Variants in MSC observed in about 807,000 individuals in gnomAD.
MSC encodes musculin.
MSC carries 16 observed loss-of-function variants against 14.4 expected under a neutral mutation model. The ratio of observed to expected loss-of-function variants is 1.11; its 90% CI spans 0.75 to 1.69. The LOEUF (loss-of-function observed/expected upper bound fraction) is 1.69, where lower values mean the gene tolerates loss of function less well. MSC is among the 40% of genes most tolerant of loss of function. The probability of loss-of-function intolerance (pLI) is 0.00; values close to 1 mark genes in which losing one functional copy is unlikely to be tolerated. For synonymous variants in MSC, 165 were observed against 128.5 expected, an observed-to-expected ratio of 1.28 and a Z score of -1.92; for missense variants, 320 against 288.1, an observed-to-expected ratio of 1.11 and a Z score of -0.80.
chr8:71,842,549 C>G lies in MSC; in HGVS notation c.*112G>C. ...ACAGTTCCAGGGAAAGGGGAAGGGTCAAGGAGAATCCAGCGGAAACTTCTT... is the reference window on the plus strand; with the variant it reads ...ACAGTTCCAGGGAAAGGGGAAGGGTGAAGGAGAATCCAGCGGAAACTTCTT... On this transcript the variant is annotated 3_prime_UTR_variant, in exon 2 of 2. Coordinates refer to ENST00000325509, the MANE Select transcript of MSC (RefSeq NM_005098.4). 2 of 1,037,572 alleles carry G rather than the reference C, an allele frequency of 1.9e-6. No homozygotes were observed. Among genetic ancestry groups the G allele is most frequent in the Non-Finnish European group, 3.0e-6 (2 of 660,890 alleles). The allele number at this position is 1,037,572 out of a possible 1,614,324, so 64.3% of individuals were successfully genotyped here. A position where few individuals can be genotyped will look rare whatever the true frequency, so the allele number is the denominator to read the frequency against.
Position 71,844,165 on chromosome 8 carries a change from G to A in MSC, c.14C>T (p.Ser5Leu), listed in dbSNP as rs1807460712. 1 of 1,555,682 alleles carries A rather than the reference G, an allele frequency of 6.4e-7. No homozygotes were observed. The highest frequency in any genetic ancestry group is 8.7e-7 in the Non-Finnish European group (1 of 1,150,090). ...CTCCATCTCCTCCGGATCACTCACC[G>A]AGCCCGTGGACATCCCGTTGTCCCC... MSTGSVSDPEEMELR... is the reference protein window; with the variant it reads MSTGLVSDPEEMELR... The change falls in exon 1 of 2, where the codon TCG (serine) becomes TTG (leucine). Residue 5 changes from serine to leucine, a missense_variant. Transcript: ENST00000325509.
In MSC at chr8:71,842,588, C is replaced by G; in HGVS notation, c.*73G>C. 4.3e-6 allele frequency: 6 copies of G among 1,385,562 alleles called. No homozygotes were observed. Among genetic ancestry groups the G allele is most frequent in the Non-Finnish European group, 6.2e-6 (6 of 972,440 alleles). The allele number at this position is 1,385,562 out of a possible 1,614,324, so 85.8% of individuals were successfully genotyped here. ...CGGAAACTTCTTCCCATCTCACGAGCTCTCCCTTCTCTCCGTGGCCCCCAA... is the reference window on the plus strand; with the variant it reads ...CGGAAACTTCTTCCCATCTCACGAGGTCTCCCTTCTCTCCGTGGCCCCCAA... On this transcript the variant is annotated 3_prime_UTR_variant, in exon 2 of 2. Coordinates refer to ENST00000325509, the MANE Select transcript of MSC (RefSeq NM_005098.4).
In MSC at chr8:71,844,076, C is replaced by T. The variant is rs1425819621; in HGVS notation, c.103G>A (p.Glu35Lys). 3.3e-6 allele frequency: 5 copies of T among 1,521,542 alleles called. No individual in the cohort carries two copies. The highest frequency in any genetic ancestry group is 4.4e-6 in the Non-Finnish European group (5 of 1,136,834). The allele number at this position is 1,521,542 out of a possible 1,614,324, so 94.3% of individuals were successfully genotyped here. The part of the protein sequence containing the change: ...ASKRPPLRGV[E>K]RSYASPSDNS... ...TCACTGGGCGAGGCGTAGCTGCGCTCTACGCCGCGGAGGGGCGGCCTCTTG... is the reference window on the plus strand; with the variant it reads ...TCACTGGGCGAGGCGTAGCTGCGCTTTACGCCGCGGAGGGGCGGCCTCTTG... The change falls in exon 1 of 2, where the codon GAG (glutamate) becomes AAG (lysine). Residue 35 changes from glutamate (E) to lysine (K), a missense_variant. Coordinates refer to ENST00000325509, the MANE Select transcript of MSC (RefSeq NM_005098.4).
chr8:71,843,891 C>A lies in MSC; in HGVS notation c.288G>T (p.Pro96=). The change falls in exon 1 of 2, where the codon CCG becomes CCT. Residue 96 remains proline (P), a synonymous_variant. Transcript: ENST00000325509. Reference sequence around the variant, plus strand: ...TGCACTCTGCGGCTGAGCCCTTGGCCGGGAGGGGCTTCTTGCCACCACCGC... The same window carrying A: ...TGCACTCTGCGGCTGAGCCCTTGGCAGGGAGGGGCTTCTTGCCACCACCGC... The part of the protein sequence containing the change: ...SAGGGGKKPL[P]AKGSAAECKQ... The A allele has an allele frequency of 6.2e-7, 1 of 1,602,392 alleles. No individual in the cohort carries two copies. The highest frequency in any genetic ancestry group is 8.5e-7 in the Non-Finnish European group (1 of 1,175,006).
intron 1 of MSC, 58 bp downstream of exon 1, chr8:71,843,587 G>T (rs775219597): frequency 6.8e-6 from 11 of 1,612,440 alleles, no homozygotes; most frequent in Non-Finnish European, 8.5e-6. Context: ...CCGGCGCCCA[G>T]GAGCGCCCTG....
At position 71,843,840 on chromosome 8, in the gene MSC, G is replaced by T. The variant is rs924405173; in HGVS notation, c.339C>A (p.Asn113Lys). 3.1e-6 allele frequency: 5 copies of T among 1,613,114 alleles called. No homozygotes were observed. Among genetic ancestry groups the T allele is most frequent in the African/African-American group, 1.3e-5 (1 of 75,068 alleles). ...ECKQSQRNAA[N>K]ARERARMRVL... ...CGCGCATCCGGGCACGCTCACGGGC[G>T]TTGGCCGCGTTCCGCTGCGACTGCT... Residue 113 changes from asparagine (N) to lysine (K), a missense_variant, in exon 1 of 2, where the codon AAC becomes AAA. Coordinates refer to ENST00000325509, the MANE Select transcript of MSC (RefSeq NM_005098.4).
At position 71,843,512 on chromosome 8, in the gene MSC, GC is replaced by G. The variant is rs763595058; in HGVS notation, c.534+132del. ...CCTTGATTTGGGAGAAACTAAACTG[GC>G]CTTCTCGTTCCCAGTCCCAGAACCT... On this transcript the variant is annotated intron_variant, in intron 1 of 1. Coordinates refer to ENST00000325509, the MANE Select transcript of MSC (RefSeq NM_005098.4). The G allele has an allele frequency of 5.4e-6, 6 of 1,116,038 alleles. No homozygotes were observed. The East Asian group carries it at 1.5e-4, about 28-fold the overall frequency. 69.1% of individuals were successfully genotyped at this position (1,116,038 alleles called of 1,614,324 possible). A position where few individuals can be genotyped will look rare whatever the true frequency, so the allele number is the denominator to read the frequency against.
At chr8:71,842,965 T>C in intron 1 of MSC, 1 of 494,108 alleles carries the variant, frequency 2.0e-6, no homozygotes, top group Non-Finnish European at 3.7e-6. Flanking sequence ...TTCCTGGACT[T>C]TGCCCGCAGG....
rs1807398843 is a variant in MSC, at chr8:71,842,329, TG to T, written c.*331del. On this transcript the variant is annotated 3_prime_UTR_variant, in exon 2 of 2. Transcript: ENST00000325509. ...TCTGGCTCCGCTGAGAACGGATCCG[TG>T]GGCTGTCTGGCGCGGGCTGGGGCAG... is the stretch of plus-strand genomic sequence containing the variant. 1 of 353,774 alleles carries T rather than the reference TG, an allele frequency of 2.8e-6. No homozygotes were observed. The highest frequency in any genetic ancestry group is 5.5e-6 in the Non-Finnish European group (1 of 182,204). 21.9% of individuals were successfully genotyped at this position (353,774 alleles called of 1,614,324 possible).
Position 71,844,221 on chromosome 8 carries a change from CT to C in MSC, c.-44del, listed in dbSNP as rs1807463004. ...CCACACGCGTCCTCTTTCCTCCCCCCTGGCCAGTCTCGCTGTCTCCGCCTTC... is the reference window on the plus strand; with the variant it reads ...CCACACGCGTCCTCTTTCCTCCCCCCGGCCAGTCTCGCTGTCTCCGCCTTC... On this transcript the variant is annotated 5_prime_UTR_variant, in exon 1 of 2. Coordinates refer to ENST00000325509, the MANE Select transcript of MSC (RefSeq NM_005098.4). 11 of 1,607,384 alleles carry C rather than the reference CT, an allele frequency of 6.8e-6. No homozygotes were observed. Among genetic ancestry groups the C allele is most frequent in the East Asian group, 6.7e-5 (3 of 44,792 alleles).
rs757100221 is a variant in MSC, at chr8:71,844,109, G to A, written c.70C>T (p.Pro24Ser). 4.6e-6 allele frequency: 7 copies of A among 1,522,896 alleles called. No individual in the cohort carries two copies. The highest frequency in any genetic ancestry group is 1.4e-5 in the African/African-American group (1 of 72,212). The allele number at this position is 1,522,896 out of a possible 1,614,324, so 94.3% of individuals were successfully genotyped here. ...CGGAGGGGCGGCCTCTTGGAGGCGG[G>A]GACCGGGTACTCCCGCTGCAGCCCC... Reference protein sequence around the residue: ...LRGLQREYPVPASKRPPLRGV... With the variant: ...LRGLQREYPVSASKRPPLRGV... The change falls in exon 1 of 2, where the codon CCC becomes TCC. Residue 24 changes from proline to serine, a missense_variant. Transcript: ENST00000325509.
chr8:71,843,201 A>C, intron 1 of MSC: 1 of 330,614 alleles, frequency 3.0e-6, no homozygotes, highest in East Asian at 8.1e-5. Flanking sequence ...AAACGTTACT[A>C]TCTTCCACAA....
In MSC at chr8:71,842,666, C is replaced by A; in HGVS notation, c.616G>T (p.Ala206Ser). ...SAANRLCGTT[A>S] The stretch of plus-strand genomic sequence containing the variant: ...CAAGTGAGTTCCAGTCCGATTTAAG[C>A]GGTGGTTCCACATAGTCTGTTGGCT... Residue 206 changes from alanine (A) to serine (S), a missense_variant, in exon 2 of 2, where the codon GCT (alanine) becomes TCT (serine). Transcript: ENST00000325509. 1.2e-6 allele frequency: 2 copies of A among 1,614,006 alleles called. No individual in the cohort carries two copies. Among genetic ancestry groups the A allele is most frequent in the Non-Finnish European group, 1.7e-6 (2 of 1,179,912 alleles).
rs1807386800 is a variant in MSC, at chr8:71,841,941, T to G, written c.*720A>C. On this transcript the variant is annotated 3_prime_UTR_variant, in exon 2 of 2. Coordinates refer to ENST00000325509, the MANE Select transcript of MSC (RefSeq NM_005098.4). ...GAGGGTTGACAGACGCCTGCCTGAT[T>G]AGAAAAAGCCGGGAGCTTGGGAAGG... The G allele has an allele frequency of 1.3e-5, 2 of 152,790 alleles. No homozygotes were observed. The highest frequency in any genetic ancestry group is 1.3e-4 in the Admixed American group (2 of 15,314). 9.5% of individuals were successfully genotyped at this position (152,790 alleles called of 1,614,324 possible). A position where few individuals can be genotyped will look rare whatever the true frequency, so the allele number is the denominator to read the frequency against.
intron 1 of MSC, 37 bp from the exon 2 acceptor site, chr8:71,842,784 A>G: frequency 6.3e-7 from 1 of 1,594,288 alleles, no homozygotes. Flanking sequence ...TTAGAGAGAA[A>G]CGATTGTCTC....
chr8:71,844,060 G>T lies in MSC; in HGVS notation c.119C>A (p.Ser40Ter). ...PLRGVERSYA[S>*]PSDNSSAEEE... ...CTCTGCCGACGAGTTGTCACTGGGC[G>T]AGGCGTAGCTGCGCTCTACGCCGCG... The change falls in exon 1 of 2, where the codon TCG (serine) becomes TAG (stop). Residue 40 changes from serine (S) to a stop codon, truncating the protein, a stop_gained. Coordinates refer to ENST00000325509, the MANE Select transcript of MSC (RefSeq NM_005098.4). LOFTEE classifies it high-confidence loss of function. The T allele has an allele frequency of 6.5e-7, 1 of 1,541,232 alleles. No individual in the cohort carries two copies.
intron 1 of MSC, 138 bp from the exon 2 acceptor site, chr8:71,842,885 C>A: frequency 2.6e-6 from 2 of 754,854 alleles, no homozygotes. Flanking sequence ...TGCATGTCCT[C>A]TCTCTGAACT....
At chr8:71,843,048 ACG>A (rs10547473) in intron 1 of MSC, 19,802 of 175,004 alleles carry the variant, frequency 0.11, 1,622 homozygotes, top group African/African-American at 0.26. Context: ...ACACACACAC[ACG>A]CACACACACA....
In MSC at chr8:71,843,767, GCA is replaced by G; in HGVS notation, c.410_411del (p.Val137AlafsTer5). 6.2e-7 allele frequency: 1 copy of G among 1,614,064 alleles called. No individual in the cohort carries two copies. Among genetic ancestry groups the G allele is most frequent in the Admixed American group, 1.7e-5 (1 of 60,032 alleles). On this transcript the variant is annotated frameshift_variant, in exon 1 of 2. Coordinates refer to ENST00000325509, the MANE Select transcript of MSC (RefSeq NM_005098.4). LOFTEE classifies it high-confidence loss of function. Reference sequence around the variant, plus strand: ...AGCTTGGAGAGCTTAGTGTCGGGGGGCACCCAGGGCAGGCTGGTCTTGAGCCT... The same window carrying G: ...AGCTTGGAGAGCTTAGTGTCGGGGGGCCCAGGGCAGGCTGGTCTTGAGCCT... ...FSRLKTSLPW[V>X]PPDTKLSKLD...
Sources: gnomAD v4.1 joint callset for allele counts on GRCh38, gnomAD v4.1.1 for gene constraint, MANE v1.5 for transcripts, NCBI Gene and HGNC (gene_info 2026-07-23, HGNC 2026-07-21) for gene names.